The following PSME3IP1 variants were observed in gnomAD, a reference collection of about 807,000 sequenced individuals.
The protein encoded by PSME3IP1 is proteasome activator subunit 3 interacting protein 1, also known as PSME3-interacting protein.
A neutral mutation model predicts 34.1 loss-of-function variants in PSME3IP1; 13 were observed. The ratio of observed to expected loss-of-function variants is 0.38; its 90% CI spans 0.25 to 0.61. The LOEUF is 0.61. Among genes scored for constraint, PSME3IP1 ranks in the 20% least tolerant of loss-of-function variants. PSME3IP1 has a pLI of 0.60. For synonymous variants in PSME3IP1, 93 were observed against 114.3 expected, an observed-to-expected ratio of 0.81 and a Z score of 1.19; for missense variants, 237 against 301.4, an observed-to-expected ratio of 0.79 and a Z score of 1.58.
At chr16:57,172,507 G>T in intron 3 of PSME3IP1, 135 bp from the exon 4 acceptor site, 1 of 962,840 alleles carries the variant, frequency 1.0e-6, no homozygotes, top group Non-Finnish European at 1.5e-6. Context: ...CATGGCGTTT[G>T]AATAGATAAC....
intron 3 of PSME3IP1, 72 bp downstream of exon 3, chr16:57,172,704 T>C: frequency 8.8e-7 from 1 of 1,139,830 alleles, no homozygotes; most frequent in South Asian, 1.2e-5. Flanking sequence ...TTAGGAAAAG[T>C]GCTGCACAAG....
At chr16:57,174,307 A>AAT in intron 1 of PSME3IP1, 1 of 436,290 alleles carries the variant, frequency 2.3e-6, no homozygotes, top group Non-Finnish European at 3.0e-6. Flanking sequence ...AAAAAAAAAA[A>AAT]CTCTCAAATA....
intron 4 of PSME3IP1, among the ~76,000 whole-genome samples, chr16:57,170,665 G>A (rs530300716): frequency 2.0e-5 from 3 of 152,240 alleles, no homozygotes; most frequent in Non-Finnish European, 2.9e-5. Flanking sequence ...GACCAAGTCA[G>A]ATAGTCTTTT....
At chr16:57,170,321 G>A (rs1483880681) in intron 4 of PSME3IP1, among the ~76,000 whole-genome samples, 14 of 152,116 alleles carry the variant, frequency 9.2e-5, no homozygotes, top group African/African-American at 3.4e-4. Context: ...GACCTCAAGC[G>A]ATCCTCCTGC....
chr16:57,160,298 A>G (rs544459133), intron 6 of PSME3IP1, among the ~76,000 whole-genome samples: 8 of 139,014 alleles, frequency 5.8e-5, no homozygotes, highest in African/African-American at 1.7e-4. Context: ...CTCCGTCTCA[A>G]AAAAAAAAAA....
At chr16:57,159,104 A>C (rs1202542947) in intron 6 of PSME3IP1, among the ~76,000 whole-genome samples, 3 of 152,250 alleles carry the variant, frequency 2.0e-5, no homozygotes, top group Non-Finnish European at 4.4e-5. Flanking sequence ...GATGAAAGTC[A>C]GAGTGCCTGT....
chr16:57,172,464 C>A, intron 3 of PSME3IP1, 92 bp from the exon 4 acceptor site: 1 of 1,352,418 alleles, frequency 7.4e-7, no homozygotes, highest in Non-Finnish European at 1.0e-6. Flanking sequence ...GCAGATTCTT[C>A]AGGGGATTAA....
intron 4 of PSME3IP1, among the ~76,000 whole-genome samples, chr16:57,171,552 A>G (rs1263754244): frequency 2.0e-5 from 3 of 152,186 alleles, no homozygotes; most frequent in African/African-American, 7.2e-5. Flanking sequence ...AAGAAAGTCT[A>G]CTACTACTAC....
At chr16:57,175,417 T>C (rs1336695880) in intron 1 of PSME3IP1, 1 of 152,230 alleles carries the variant, frequency 6.6e-6, no homozygotes, top group African/African-American at 2.4e-5. Context: ...CACAGCACTA[T>C]GTGCTAACAA....
chr16:57,155,786 A>T (rs1192376351), intron 6 of PSME3IP1, among the ~76,000 whole-genome samples: 1 of 152,096 alleles, frequency 6.6e-6, no homozygotes, highest in Non-Finnish European at 1.5e-5. Flanking sequence ...AGCCTGGGCA[A>T]CAGAGCAAGA....
chr16:57,166,955 A>G, intron 5 of PSME3IP1, 138 bp downstream of exon 5: 1 of 910,324 alleles, frequency 1.1e-6, no homozygotes, highest in Non-Finnish European at 1.7e-6. Flanking sequence ...AAATCTGGAA[A>G]GGGAGAGATA....
chr16:57,159,333 A>T (rs557128603), intron 6 of PSME3IP1, among the ~76,000 whole-genome samples: 3 of 152,318 alleles, frequency 2.0e-5, no homozygotes, highest in Admixed American at 6.5e-5. Context: ...CTCTGATCTC[A>T]CCCATTTGGT....
Position 57,167,102 on chromosome 16 carries a change from T to C in PSME3IP1, c.473A>G (p.Lys158Arg). 2 of 1,613,622 alleles carry C rather than the reference T, an allele frequency of 1.2e-6. No homozygotes were observed. The highest frequency in any genetic ancestry group is 1.7e-6 in the Non-Finnish European group (2 of 1,180,030). Residue 158 changes from lysine (K) to arginine (R), a missense_variant, in exon 5 of 7, where the codon AAG becomes AGG. By Grantham distance (26) the Lys-to-Arg change is conservative. Coordinates refer to ENST00000309137, the MANE Select transcript of PSME3IP1 (RefSeq NM_024946.4). ...GTGAGTGCTGACTAACCTCTTATGC[T>C]TCACAGCTCCTGCCAACAGCTTCGC... is the stretch of plus-strand genomic sequence containing the variant. ...SQAKLLAGAV[K>R]HKSSESGNSV...
At chr16:57,165,711 A>G (rs2071789833) in intron 5 of PSME3IP1, among the ~76,000 whole-genome samples, 1 of 152,212 alleles carries the variant, frequency 6.6e-6, no homozygotes, top group Non-Finnish European at 1.5e-5. Flanking sequence ...AGGGTCGGAC[A>G]GATTAGGAAC....
At chr16:57,167,616 A>T (rs751169964) in intron 4 of PSME3IP1, among the ~76,000 whole-genome samples, 1 of 152,228 alleles carries the variant, frequency 6.6e-6, no homozygotes, top group Non-Finnish European at 1.5e-5. Context: ...GGGTTAAATC[A>T]AATTTTGCAG....
intron 5 of PSME3IP1, among the ~76,000 whole-genome samples, chr16:57,165,025 C>CAAAAAAAAAAAAAAAAAAAAAAA (rs1191154422): frequency 1.4e-5 from 1 of 70,852 alleles, no homozygotes. Flanking sequence ...AACTCCAGCT[C>CAAAAAAAAAAAAAAAAAAAAAAA]AAAAAAAAAA....
intron 6 of PSME3IP1, among the ~76,000 whole-genome samples, chr16:57,161,900 G>GATT (rs1309594226): frequency 1.3e-4 from 19 of 151,928 alleles, no homozygotes; most frequent in Non-Finnish European, 2.1e-4. Context: ...TAATTACTGT[G>GATT]ATTATTATTA....
At chr16:57,182,416 C>T (rs1177642131) in intron 1 of PSME3IP1, among the ~76,000 whole-genome samples, 2 of 76,102 alleles carry the variant, frequency 2.6e-5, no homozygotes, top group Non-Finnish European at 5.4e-5. Context: ...TATAACTCCA[C>T]TTCAAGACCA....
chr16:57,183,938 AG>A (rs2146033012), intron 1 of PSME3IP1, among the ~76,000 whole-genome samples: 1 of 152,356 alleles, frequency 6.6e-6, no homozygotes, highest in Non-Finnish European at 1.5e-5. Flanking sequence ...AATGGACAAC[AG>A]AAACAGACTC....
Sources: gnomAD v4.1 joint callset for allele counts (sites outside exome capture counted in the v4.1 genomes callset) on GRCh38, gnomAD v4.1.1 for gene constraint, MANE v1.5 for transcripts, NCBI Gene and HGNC (gene_info 2026-07-23, HGNC 2026-07-21) for gene names.